CACNB2: variants seen among roughly 807,000 people sequenced by gnomAD.
CACNB2 encodes the protein voltage-dependent L-type calcium channel subunit beta-2.
In CACNB2, 42 loss-of-function variants were observed where a neutral mutation model predicts 73.3. That is an observed-to-expected ratio of 0.57 (90% CI 0.45 to 0.74). The LOEUF (loss-of-function observed/expected upper bound fraction) is 0.74, where lower values mean the gene tolerates loss of function less well. Among genes scored for constraint, CACNB2 ranks in the 30% least tolerant of loss-of-function variants. The pLI, the probability that CACNB2 is intolerant of heterozygous loss-of-function variation, is 0.00. For missense variants in CACNB2, 940 were observed against 853.0 expected (o/e 1.10, Z -1.27); for synonymous variants, 348 against 310.3 (o/e 1.12, Z -1.28).
intron 2 of CACNB2, among the ~76,000 whole-genome samples, chr10:18,155,763 T>C (rs2031991222): frequency 6.6e-6 from 1 of 152,060 alleles, no homozygotes; most frequent in Non-Finnish European, 1.5e-5. Flanking sequence ...GACAGTGCAG[T>C]GGTAGCTCAA....
intron 9 of CACNB2, among the ~76,000 whole-genome samples, chr10:18,523,001 GGTC>G (rs560207246): frequency 4.6e-4 from 70 of 151,242 alleles, no homozygotes; most frequent in African/African-American, 1.7e-3. Context: ...TTATAATCAA[GGTC>G]TTCTAACCAA....
intron 3 of CACNB2, among the ~76,000 whole-genome samples, chr10:18,455,943 G>T (rs1257025475): frequency 6.6e-6 from 1 of 152,196 alleles, no homozygotes; most frequent in East Asian, 1.9e-4. Flanking sequence ...GTGACATTTT[G>T]TTCCATTAAA....
rs868406409 is a variant in CACNB2 at position 18,288,808 on chromosome 10, G to C, written c.214-113116G>C. Among the ~76,000 whole-genome samples, 6 of 152,200 alleles carry C rather than the reference G, an allele frequency of 3.9e-5. 1 individual carries two copies. The Middle Eastern group carries it at 0.01, about 259-fold the overall frequency. ...ACCTATAATCCCAGCACTTTGGGGG[G>C]CCAAGGTGGGCAGATCACTTGAGGT... On this transcript the variant is annotated intron_variant, in intron 2 of 13. Coordinates refer to ENST00000324631, the MANE Select transcript of CACNB2 (RefSeq NM_201596.3).
At chr10:18,442,441 C>T (rs560272500) in intron 3 of CACNB2, among the ~76,000 whole-genome samples, 10 of 152,056 alleles carry the variant, frequency 6.6e-5, no homozygotes, top group Non-Finnish European at 1.2e-4. Context: ...TGAGCCACCA[C>T]GCCTGGCCGA....
chr10:18,190,697 T>A (rs1309391368), intron 2 of CACNB2, among the ~76,000 whole-genome samples: 1 of 152,202 alleles, frequency 6.6e-6, no homozygotes, highest in Admixed American at 6.5e-5. Context: ...AACCTCATGA[T>A]GGAATTTGAT....
At chr10:18,524,649 T>A (rs1458807567) in intron 9 of CACNB2, among the ~76,000 whole-genome samples, 2 of 93,772 alleles carry the variant, frequency 2.1e-5, no homozygotes, top group Non-Finnish European at 4.1e-5. Flanking sequence ...AGCAAGACTC[T>A]ATCTTAAAAA....
chr10:18,264,830 A>G (rs573584767), intron 2 of CACNB2, among the ~76,000 whole-genome samples: 7 of 152,240 alleles, frequency 4.6e-5, no homozygotes, highest in Admixed American at 3.3e-4. Context: ...GCTGTTATAA[A>G]CAGTTGGGAC....
chr10:18,250,325 A>T (rs77991612), intron 2 of CACNB2, among the ~76,000 whole-genome samples: 3,435 of 152,304 alleles, frequency 0.023, 122 homozygotes, highest in African/African-American at 0.079. Context: ...TTGTGAACCT[A>T]TATGATCTGG....
At chr10:18,426,955 A>ATTTTTTTTT (rs551543429) in intron 3 of CACNB2, among the ~76,000 whole-genome samples, 2,610 of 81,342 alleles carry the variant, frequency 0.032, 38 homozygotes, top group East Asian at 0.038. Flanking sequence ...CCTTTTCTAC[A>ATTTTTTTTT]TTTTTTTTTT....
chr10:18,178,143 T>C (rs1368301187), intron 2 of CACNB2, among the ~76,000 whole-genome samples: 1 of 152,178 alleles, frequency 6.6e-6, no homozygotes, highest in Non-Finnish European at 1.5e-5. Flanking sequence ...GATATAGAGT[T>C]GAATTCGGGT....
chr10:18,466,894 C>T (rs1042629066), intron 3 of CACNB2, among the ~76,000 whole-genome samples: 1 of 152,146 alleles, frequency 6.6e-6, no homozygotes, highest in Non-Finnish European at 1.5e-5. Context: ...GGTTCTCACA[C>T]CTGTAATCCC....
chr10:18,403,979 G>A (rs1382905232), intron 3 of CACNB2, among the ~76,000 whole-genome samples: 1 of 151,954 alleles, frequency 6.6e-6, no homozygotes, highest in East Asian at 1.9e-4. Context: ...CTTAAAGAAT[G>A]TAATTGGACT....
At chr10:18,482,254 C>T (rs907901242) in intron 3 of CACNB2, among the ~76,000 whole-genome samples, 2 of 152,082 alleles carry the variant, frequency 1.3e-5, no homozygotes, top group African/African-American at 2.4e-5. Context: ...ACATAGTAAG[C>T]ACAATATAGT....
chr10:18,479,660 G>A (rs751691057), intron 3 of CACNB2, among the ~76,000 whole-genome samples: 6 of 151,418 alleles, frequency 4.0e-5, no homozygotes, highest in Non-Finnish European at 8.8e-5. Context: ...AGGTTCTTAT[G>A]AGATCTGATG....
chr10:18,307,461 CACAT>C (rs900163961), intron 2 of CACNB2, among the ~76,000 whole-genome samples: 45 of 152,300 alleles, frequency 3.0e-4, no homozygotes, highest in African/African-American at 1.1e-3. Flanking sequence ...GACTCTGTCT[CACAT>C]AAATAAATAT....
At chr10:18,457,925 G>A (rs1281202051) in intron 3 of CACNB2, among the ~76,000 whole-genome samples, 1 of 151,986 alleles carries the variant, frequency 6.6e-6, no homozygotes, top group Non-Finnish European at 1.5e-5. Flanking sequence ...AATGTTTGGA[G>A]AAGTACTAAA....
intron 3 of CACNB2, among the ~76,000 whole-genome samples, chr10:18,482,101 C>G (rs1003165935): frequency 5.3e-5 from 8 of 152,016 alleles, no homozygotes; most frequent in African/African-American, 1.9e-4. Context: ...GCCATGTTGT[C>G]CAGGCTGGTC....
chr10:18,292,611 G>A (rs1448736246), intron 2 of CACNB2, among the ~76,000 whole-genome samples: 3 of 152,102 alleles, frequency 2.0e-5, no homozygotes, highest in Admixed American at 6.5e-5. Flanking sequence ...AGCTGAGATC[G>A]GGCCACTGCA....
intron 3 of CACNB2, among the ~76,000 whole-genome samples, chr10:18,420,579 A>G (rs2045265577): frequency 6.6e-6 from 1 of 152,118 alleles, no homozygotes; most frequent in Non-Finnish European, 1.5e-5. Context: ...CAAGCCCCCA[A>G]CAGATTGGAT....
Sources: allele counts gnomAD v4.1 joint callset (sites outside exome capture counted in the v4.1 genomes callset), GRCh38; gene constraint gnomAD v4.1.1; transcripts MANE v1.5; gene names NCBI Gene and HGNC (gene_info 2026-07-23, HGNC 2026-07-21).